Variants in ZBTB8A observed in about 807,000 individuals in gnomAD.
The protein encoded by ZBTB8A is zinc finger and BTB domain-containing protein 8A.
Under a neutral mutation model 37.8 loss-of-function variants are expected in ZBTB8A, and 19 were observed. The observed-to-expected ratio is 0.50, with a 90% CI of 0.35 to 0.74. The LOEUF (loss-of-function observed/expected upper bound fraction) is 0.74, where lower values mean the gene tolerates loss of function less well. Ranked by LOEUF, ZBTB8A falls within the 30% of genes least tolerant of loss-of-function variation. The pLI is 0.01. For synonymous variants in ZBTB8A, 181 were observed against 185.2 expected (o/e 0.98, Z 0.19); for missense variants, 394 against 537.8 (o/e 0.73, Z 2.65).
At position 32,593,723 on chromosome 1, in the gene ZBTB8A, A is replaced by G. The variant is rs979621261; in HGVS notation, c.792A>G (p.Gln264=). Residue 264 remains glutamine (Q), a synonymous_variant, in exon 3 of 5, where the codon CAA becomes CAG. Transcript: ENST00000373510. ...DSTPVGYQYG[Q]GSDVTSKSFP... Reference sequence around the variant, plus strand: ...CTCCTGTTGGCTATCAGTACGGTCAAGGATCTGATGTCACATCCAAAAGCT... The same window carrying G: ...CTCCTGTTGGCTATCAGTACGGTCAGGGATCTGATGTCACATCCAAAAGCT... 3.7e-6 allele frequency: 6 copies of G among 1,613,446 alleles called. No individual in the cohort carries two copies. In the Middle Eastern group the frequency reaches 8.3e-4, roughly 222 times the overall value.
chr1:32,592,431 T>C (rs910680407), intron 2 of ZBTB8A, among the ~76,000 whole-genome samples: 2 of 151,932 alleles, frequency 1.3e-5, no homozygotes, highest in Non-Finnish European at 2.9e-5. Flanking sequence ...TCCCAGCTAC[T>C]TGGGAGGCTG....
In ZBTB8A at chr1:32,593,594, T is replaced by TTG; in HGVS notation, c.663_664insTG (p.Thr222Ter). ...TGAGATTGTCACAGCCTTCTGAAGT[T>TTG]ACTCATTATAAGTCAAGCAAACGAG... On this transcript the variant is annotated frameshift_variant, in exon 3 of 5. Coordinates refer to ENST00000373510, the MANE Select transcript of ZBTB8A (RefSeq NM_001040441.3). LOFTEE classifies it high-confidence loss of function. 6.2e-7 allele frequency: 1 copy of TTG among 1,614,226 alleles called. No individual in the cohort carries two copies.
chr1:32,542,586 T>G (rs1263272196), intron 1 of ZBTB8A, among the ~76,000 whole-genome samples: 1 of 151,806 alleles, frequency 6.6e-6, no homozygotes, highest in Non-Finnish European at 1.5e-5. Flanking sequence ...AAAAAGAGAG[T>G]TGATCTTCTC....
chr1:32,553,886 C>CA lies in ZBTB8A; in HGVS notation c.-2+365dup, dbSNP rs34338542. 5.6e-3 allele frequency among the ~76,000 whole-genome samples: 429 copies of CA among 77,066 alleles called. 3 individuals carry two copies. The highest frequency in any genetic ancestry group is 0.015 in the African/African-American group (275 of 18,144). 50.6% of individuals were successfully genotyped at this position (77,066 alleles called of 152,430 possible). On this transcript the variant is annotated intron_variant, in intron 2 of 4. Coordinates refer to ENST00000373510, the MANE Select transcript of ZBTB8A (RefSeq NM_001040441.3). ...GGGCAACAAGAGCGAAACTCTGTCT[C>CA]AAAAAAAAAAAAAAAAAAAGGTAGA... is the stretch of plus-strand genomic sequence containing the variant.
intron 1 of ZBTB8A, among the ~76,000 whole-genome samples, chr1:32,552,974 T>G (rs1375629590): frequency 6.7e-6 from 1 of 149,754 alleles, no homozygotes; most frequent in African/African-American, 2.4e-5. Context: ...GATTTTCTAT[T>G]AACTATTATT....
chr1:32,563,449 T>TTTTCTTTTTC (rs1186849278), intron 2 of ZBTB8A, among the ~76,000 whole-genome samples: 18 of 152,158 alleles, frequency 1.2e-4, no homozygotes, highest in African/African-American at 3.9e-4. Flanking sequence ...GACACCTTCT[T>TTTTCTTTTTC]TTTCTTTTTC....
At chr1:32,559,814 G>A (rs1300679660) in intron 2 of ZBTB8A, among the ~76,000 whole-genome samples, 4 of 152,136 alleles carry the variant, frequency 2.6e-5, no homozygotes, top group Non-Finnish European at 5.9e-5. Context: ...ATTGGGTTAT[G>A]AAGGATTAAT....
At chr1:32,556,873 C>T (rs992175965) in intron 2 of ZBTB8A, among the ~76,000 whole-genome samples, 5 of 150,966 alleles carry the variant, frequency 3.3e-5, no homozygotes, top group African/African-American at 4.9e-5. Flanking sequence ...AAGACTCTGT[C>T]TCAACAAAAA....
intron 2 of ZBTB8A, among the ~76,000 whole-genome samples, chr1:32,576,056 A>G (rs1644357044): frequency 6.6e-6 from 1 of 152,204 alleles, no homozygotes; most frequent in African/African-American, 2.4e-5. Context: ...TTCACAAACT[A>G]CAGCCTTCAA....
intron 2 of ZBTB8A, among the ~76,000 whole-genome samples, chr1:32,582,597 C>G (rs142762543): frequency 1.3e-5 from 2 of 151,584 alleles, no homozygotes; most frequent in Non-Finnish European, 2.9e-5. Flanking sequence ...GCAGTGAGAT[C>G]GTGCCATTGC....
intron 2 of ZBTB8A, among the ~76,000 whole-genome samples, chr1:32,555,619 A>AATC (rs1644195236): frequency 6.6e-6 from 1 of 152,158 alleles, no homozygotes; most frequent in African/African-American, 2.4e-5. Context: ...AATCATGGGC[A>AATC]ATCCTCCAGG....
intron 2 of ZBTB8A, among the ~76,000 whole-genome samples, chr1:32,592,508 T>G (rs1479237383): frequency 6.6e-6 from 1 of 151,694 alleles, no homozygotes; most frequent in African/African-American, 2.4e-5. Flanking sequence ...TGTTTGTTTT[T>G]GGGGTGTTTG....
intron 2 of ZBTB8A, among the ~76,000 whole-genome samples, chr1:32,569,361 T>G (rs1644307557): frequency 6.6e-6 from 1 of 151,460 alleles, no homozygotes; most frequent in African/African-American, 2.4e-5. Flanking sequence ...TATTTTATCC[T>G]GGTTTGTGGT....
intron 1 of ZBTB8A, among the ~76,000 whole-genome samples, chr1:32,541,010 T>C (rs1644048531): frequency 6.6e-6 from 1 of 152,238 alleles, no homozygotes; most frequent in Non-Finnish European, 1.5e-5. Flanking sequence ...GATAATGATT[T>C]GGGGCCATCA....
At chr1:32,575,931 T>G (rs1472180124) in intron 2 of ZBTB8A, among the ~76,000 whole-genome samples, 3 of 152,192 alleles carry the variant, frequency 2.0e-5, no homozygotes, top group Non-Finnish European at 4.4e-5. Flanking sequence ...ATTAACTTAA[T>G]CTCTGTCTTA....
chr1:32,540,687 C>T (rs1296350877), intron 1 of ZBTB8A, among the ~76,000 whole-genome samples: 1 of 152,200 alleles, frequency 6.6e-6, no homozygotes, highest in Admixed American at 6.5e-5. Flanking sequence ...TTCAGGAAAG[C>T]CTCCAAAATC....
intron 2 of ZBTB8A, among the ~76,000 whole-genome samples, chr1:32,555,140 A>C (rs1489990273): frequency 6.6e-6 from 1 of 152,186 alleles, no homozygotes; most frequent in Non-Finnish European, 1.5e-5. Context: ...CTGTAATCCC[A>C]GCACTTTGGG....
chr1:32,594,656 G>T (rs892718394), intron 3 of ZBTB8A, among the ~76,000 whole-genome samples: 1 of 151,954 alleles, frequency 6.6e-6, no homozygotes, highest in African/African-American at 2.4e-5. Flanking sequence ...AGCTACTCAG[G>T]AGCCTGAGGC....
chr1:32,588,939 G>A (rs562083328), intron 2 of ZBTB8A, among the ~76,000 whole-genome samples: 124 of 151,812 alleles, frequency 8.2e-4, no homozygotes, highest in Non-Finnish European at 3.1e-4. Context: ...AGCCAAGATC[G>A]CACCACTGCA....
Sources: gnomAD v4.1 joint callset for allele counts (sites outside exome capture counted in the v4.1 genomes callset) on GRCh38, gnomAD v4.1.1 for gene constraint, MANE v1.5 for transcripts, NCBI Gene and HGNC (gene_info 2026-07-23, HGNC 2026-07-21) for gene names.